Variants in KSR1 observed in about 807,000 individuals in gnomAD.
KSR1 encodes kinase suppressor of ras.
A neutral mutation model predicts 92.9 loss-of-function variants in KSR1; 35 were observed. That is an observed-to-expected ratio of 0.38 (90% CI 0.29 to 0.50). The LOEUF is 0.50. KSR1 is among the 20% of genes least tolerant of loss of function. KSR1 has a pLI of 0.94. For missense variants in KSR1, 972 were observed against 1,158.5 expected (o/e 0.84, Z 2.34); for synonymous variants, 467 against 472.6 (o/e 0.99, Z 0.15).
At chr17:27,537,865 TC>T (rs1701759034) in intron 1 of KSR1, among the ~76,000 whole-genome samples, 1 of 152,080 alleles carries the variant, frequency 6.6e-6, no homozygotes, top group Non-Finnish European at 1.5e-5. Flanking sequence ...TCAACGTGCA[TC>T]AAAAACCTAA....
At chr17:27,582,028 C>T (rs1158882217) in intron 3 of KSR1, among the ~76,000 whole-genome samples, 1 of 152,218 alleles carries the variant, frequency 6.6e-6, no homozygotes, top group Non-Finnish European at 1.5e-5. Context: ...CCTTCCTTCA[C>T]ACACCCAGCT....
At chr17:27,539,058 G>A (rs576709644) in intron 1 of KSR1, among the ~76,000 whole-genome samples, 1 of 152,336 alleles carries the variant, frequency 6.6e-6, no homozygotes, top group Admixed American at 6.5e-5. Flanking sequence ...CTTAAGGATA[G>A]GTAAGGGGTT....
intron 1 of KSR1, among the ~76,000 whole-genome samples, chr17:27,542,890 C>G (rs1005395262): frequency 2.0e-5 from 3 of 152,216 alleles, no homozygotes; most frequent in African/African-American, 7.2e-5. Flanking sequence ...ATGATATGAT[C>G]TAGATCCTGC....
At chr17:27,495,948 A>G (rs995165719) in intron 1 of KSR1, among the ~76,000 whole-genome samples, 47 of 152,162 alleles carry the variant, frequency 3.1e-4, no homozygotes, top group African/African-American at 1.0e-3. Context: ...AAGAGACGAG[A>G]TGGTACTGCG....
intron 10 of KSR1, among the ~76,000 whole-genome samples, chr17:27,599,088 G>C (rs1375737460): frequency 6.6e-6 from 1 of 152,254 alleles, no homozygotes; most frequent in Non-Finnish European, 1.5e-5. Flanking sequence ...CGTAAACCCA[G>C]ATGGTATAGT....
rs1380109164 is a variant in KSR1 at position 27,577,052 on chromosome 17, T to TG, written c.373-440_373-439insG. ...AGTGTTTGGTGAGGTTTTTTTGTTT[T>TG]TTTTTTTTAAATCCTTCCTTTCTTG... On this transcript the variant is annotated intron_variant, in intron 2 of 20. Transcript: ENST00000644974. The surrounding 1 kb of genome is among the most constrained non-coding windows in gnomAD (Gnocchi z 4.5). Among the ~76,000 whole-genome samples the TG allele has an allele frequency of 1.3e-5, 2 of 151,560 alleles. No individual in the cohort carries two copies. Among genetic ancestry groups the TG allele is most frequent in the East Asian group, 3.9e-4 (2 of 5,174 alleles).
chr17:27,473,687 G>T (rs2020148160), intron 1 of KSR1, among the ~76,000 whole-genome samples: 1 of 152,176 alleles, frequency 6.6e-6, no homozygotes, highest in Non-Finnish European at 1.5e-5. Context: ...TTAAATACTG[G>T]TGGTACATTT....
At chr17:27,606,069 C>T (rs967394540) in intron 14 of KSR1, among the ~76,000 whole-genome samples, 4 of 152,206 alleles carry the variant, frequency 2.6e-5, no homozygotes, top group African/African-American at 9.7e-5. Flanking sequence ...TGCTTGAGCC[C>T]AGGAGCTTGA....
intron 11 of KSR1, 149 bp from the exon 12 acceptor site, chr17:27,603,685 G>T: frequency 1.3e-6 from 1 of 745,382 alleles, no homozygotes. Flanking sequence ...AAGGGCCCAG[G>T]CTGGTCCTTG....
intron 18 of KSR1, chr17:27,612,484 A>G (rs2073948033): frequency 6.6e-6 from 1 of 152,166 alleles, no homozygotes; most frequent in Non-Finnish European, 1.5e-5. Context: ...AGTTTTTGTT[A>G]TCAGACATAC....
intron 18 of KSR1, among the ~76,000 whole-genome samples, chr17:27,615,774 C>T (rs1297392880): frequency 2.0e-5 from 3 of 152,116 alleles, no homozygotes; most frequent in African/African-American, 4.8e-5. Flanking sequence ...AAATAAACTG[C>T]GAGTGAAACC....
chr17:27,479,124 T>G (rs1185310649), intron 1 of KSR1, among the ~76,000 whole-genome samples: 1 of 147,516 alleles, frequency 6.8e-6, no homozygotes, highest in African/African-American at 2.6e-5. Flanking sequence ...CCCTCTGTGC[T>G]CCTGTCTCCC....
intron 2 of KSR1, among the ~76,000 whole-genome samples, chr17:27,562,287 T>TCA (rs2071864263): frequency 6.6e-6 from 1 of 152,232 alleles, no homozygotes; most frequent in Non-Finnish European, 1.5e-5. Context: ...TGTGGTGGGT[T>TCA]TTCTTGTTGA....
rs745861622 is a variant in KSR1 at position 27,607,971 on chromosome 17, C to T, written c.2052C>T (p.Asp684=). ...SFVRDPKTSL[D]INKTRQIAQE... is the part of the protein sequence containing the mutation. ...TGAGGGACCCCAAGACGTCTCTGGA[C>T]ATCAACAAGACGAGGCAAATCGCTC... Residue 684 remains aspartate (D), a synonymous_variant, in exon 15 of 21, where the codon GAC becomes GAT. Coordinates refer to ENST00000644974, the MANE Select transcript of KSR1 (RefSeq NM_001394583.1). The T allele has an allele frequency of 1.9e-6, 3 of 1,610,978 alleles. No individual in the cohort carries two copies. In the Admixed American group the frequency reaches 5.0e-5, roughly 27 times the overall value.
rs1357142598 is a variant in KSR1 at position 27,605,461 on chromosome 17, G to C, written c.1642G>C (p.Glu548Gln). Residue 548 changes from glutamate (E) to glutamine (Q), a missense_variant, in exon 14 of 21, where the codon GAG becomes CAG. Transcript: ENST00000644974. ...TGAGGAGCCAGAGGCTGGCAAGTCA[G>C]AGGCAGAAGACGATGAGGACGAGGT... ...EAEEPEAGKSEAEDDEDEVDD... is the reference protein window; with the variant it reads ...EAEEPEAGKSQAEDDEDEVDD... 6.2e-7 allele frequency: 1 copy of C among 1,609,488 alleles called. No homozygotes were observed. Among genetic ancestry groups the C allele is most frequent in the Non-Finnish European group, 8.5e-7 (1 of 1,178,872 alleles).
intron 1 of KSR1, among the ~76,000 whole-genome samples, chr17:27,546,107 G>T (rs1375130750): frequency 2.6e-5 from 4 of 152,214 alleles, no homozygotes; most frequent in Non-Finnish European, 5.9e-5. Context: ...GCCCTTTGAA[G>T]TGGTGGTTTC....
chr17:27,518,594 C>G (rs551714592), intron 1 of KSR1, among the ~76,000 whole-genome samples: 1 of 152,290 alleles, frequency 6.6e-6, no homozygotes, highest in Non-Finnish European at 1.5e-5. Context: ...CTGACCTTGC[C>G]AGGCTCTTGC....
At chr17:27,477,402 G>C (rs148454331) in intron 1 of KSR1, among the ~76,000 whole-genome samples, 1 of 152,116 alleles carries the variant, frequency 6.6e-6, no homozygotes, top group African/African-American at 2.4e-5. Flanking sequence ...CCAGAGTTTC[G>C]TTCTTACCTC....
chr17:27,616,844 A>G (rs1454358605), intron 18 of KSR1, among the ~76,000 whole-genome samples: 4 of 152,202 alleles, frequency 2.6e-5, no homozygotes, highest in Non-Finnish European at 5.9e-5. Context: ...CTGCCCGTAT[A>G]TCGAGTCTTC....
Sources: allele counts gnomAD v4.1 joint callset (sites outside exome capture counted in the v4.1 genomes callset), GRCh38; gene constraint gnomAD v4.1.1; non-coding constraint Gnocchi (gnomAD v3.1); transcripts MANE v1.5; gene names NCBI Gene and HGNC (gene_info 2026-07-23, HGNC 2026-07-21).